NELL1: variants seen among roughly 807,000 people sequenced by gnomAD.
NELL1 encodes neural EGFL like 1.
In NELL1, 76 loss-of-function variants were observed where a neutral mutation model predicts 107.4. The observed-to-expected ratio is 0.71, with a 90% CI of 0.59 to 0.86. The LOEUF (loss-of-function observed/expected upper bound fraction) is 0.86. Ranked by LOEUF, NELL1 falls within the 40% of genes least tolerant of loss-of-function variation. The probability of loss-of-function intolerance (pLI) is 0.00; values close to 1 mark genes in which losing one functional copy is unlikely to be tolerated. For missense variants in NELL1, 1,024 were observed against 1,005.5 expected, an observed-to-expected ratio of 1.02 and a Z score of -0.25; for synonymous variants, 353 against 341.2, an observed-to-expected ratio of 1.03 and a Z score of -0.38.
Position 21,099,226 on chromosome 11 carries a change from CACACACAA to C in NELL1, c.1301-14355_1301-14348del, listed in dbSNP as rs1470491214. On this transcript the variant is annotated intron_variant, in intron 12 of 19. Transcript: ENST00000357134. The stretch of plus-strand genomic sequence containing the variant: ...ACACACACACACACACACACACACA[CACACACAA>C]ACACACACACACACACACGGATCAG... 1.3e-3 allele frequency among the ~76,000 whole-genome samples: 182 copies of C among 140,544 alleles called. 1 individual carries two copies. Among genetic ancestry groups the C allele is most frequent in the African/African-American group, 4.3e-3 (150 of 34,662 alleles). The allele number at this position is 140,544 out of a possible 152,430, so 92.2% of individuals were successfully genotyped here.
Position 21,546,837 on chromosome 11 carries a change from G to A in NELL1, c.1786+12323G>A, listed in dbSNP as rs189603876. The stretch of plus-strand genomic sequence containing the variant: ...TTGTTCTTACCCTGAGATTACTCAA[G>A]CTGCTGTGAAATATTTACCTGTGGG... On this transcript the variant is annotated intron_variant, in intron 16 of 19. Transcript: ENST00000357134. 4.1e-3 allele frequency among the ~76,000 whole-genome samples: 631 copies of A among 152,126 alleles called. 2 individuals are homozygous for A. Among genetic ancestry groups the A allele is most frequent in the Non-Finnish European group, 6.7e-3 (456 of 67,946 alleles).
intron 18 of NELL1, among the ~76,000 whole-genome samples, chr11:21,572,774 A>G (rs775023175): frequency 7.2e-5 from 11 of 151,920 alleles, no homozygotes; most frequent in Non-Finnish European, 1.6e-4. Flanking sequence ...TGCTCTTTAT[A>G]TACTAGACAG....
At chr11:21,415,926 A>G (rs1030527378) in intron 15 of NELL1, among the ~76,000 whole-genome samples, 1 of 151,924 alleles carries the variant, frequency 6.6e-6, no homozygotes, top group African/African-American at 2.4e-5. Context: ...CATGTTCTCC[A>G]TCTTCAAGAG....
At chr11:21,465,163 T>C (rs1231145408) in intron 15 of NELL1, among the ~76,000 whole-genome samples, 3 of 152,094 alleles carry the variant, frequency 2.0e-5, no homozygotes, top group Admixed American at 1.3e-4. Flanking sequence ...GGAGGTGATA[T>C]AGGGGCCATC....
chr11:20,738,458 A>T (rs1236866853), intron 2 of NELL1, among the ~76,000 whole-genome samples: 1 of 152,190 alleles, frequency 6.6e-6, no homozygotes, highest in Non-Finnish European at 1.5e-5. Context: ...ACTTCAGCTT[A>T]GATGCAGGGT....
At chr11:21,182,209 G>A (rs559593572) in intron 13 of NELL1, among the ~76,000 whole-genome samples, 1 of 151,928 alleles carries the variant, frequency 6.6e-6, no homozygotes, top group Non-Finnish European at 1.5e-5. Context: ...CAAGGCAGGT[G>A]GATCACTTGA....
intron 15 of NELL1, among the ~76,000 whole-genome samples, chr11:21,492,704 A>C (rs1478499542): frequency 7.6e-6 from 1 of 131,206 alleles, no homozygotes; most frequent in Non-Finnish European, 1.5e-5. Context: ...ATGAGAACAC[A>C]TGGACATAGG....
At chr11:21,204,694 C>T (rs1488971514) in intron 13 of NELL1, among the ~76,000 whole-genome samples, 1 of 151,860 alleles carries the variant, frequency 6.6e-6, no homozygotes, top group African/African-American at 2.4e-5. Context: ...AAGAGGAGTT[C>T]TTTTTTTCTG....
In NELL1 at chr11:21,389,921, C is replaced by G. The variant is rs375253662; in HGVS notation, c.1645+18973C>G. 1.8e-3 allele frequency among the ~76,000 whole-genome samples: 268 copies of G among 151,596 alleles called. 9 individuals carry two copies. In the South Asian group the frequency reaches 0.053, roughly 30 times the overall value. On this transcript the variant is annotated intron_variant, in intron 15 of 19. Transcript: ENST00000357134. The stretch of plus-strand genomic sequence containing the variant: ...ACCATATGTATGTATTTCTATATAC[C>G]TATATATCTAGGAATAGAATTGCTG...
At chr11:20,754,843 A>G (rs1176434449) in intron 2 of NELL1, among the ~76,000 whole-genome samples, 1 of 152,168 alleles carries the variant, frequency 6.6e-6, no homozygotes, top group Non-Finnish European at 1.5e-5. Context: ...TTCTCTCTGA[A>G]GATTTGTCAT....
intron 14 of NELL1, among the ~76,000 whole-genome samples, chr11:21,278,060 A>G (rs11529675): frequency 0.18 from 26,066 of 141,412 alleles, 2,762 homozygotes; most frequent in South Asian, 0.36. Flanking sequence ...AAAAAAAAAG[A>G]AAGAAAAAGC....
chr11:21,406,275 T>C (rs1186184299), intron 15 of NELL1, among the ~76,000 whole-genome samples: 4 of 152,014 alleles, frequency 2.6e-5, no homozygotes, highest in Admixed American at 6.6e-5. Flanking sequence ...GGGCAGTCAT[T>C]GGGCTTGTTG....
At chr11:21,044,933 T>A (rs1285279982) in intron 12 of NELL1, among the ~76,000 whole-genome samples, 1 of 152,156 alleles carries the variant, frequency 6.6e-6, no homozygotes, top group Non-Finnish European at 1.5e-5. Flanking sequence ...TCTACACAGC[T>A]GGTTGTGTGA....
intron 13 of NELL1, among the ~76,000 whole-genome samples, chr11:21,220,953 T>C (rs1471211119): frequency 6.6e-6 from 1 of 152,150 alleles, no homozygotes; most frequent in African/African-American, 2.4e-5. Context: ...TTCTAGTTCT[T>C]AGGGAAAATA....
chr11:21,224,191 G>A (rs548593297), intron 13 of NELL1, among the ~76,000 whole-genome samples: 2 of 152,106 alleles, frequency 1.3e-5, no homozygotes, highest in Admixed American at 1.3e-4. Flanking sequence ...TCTAAATCTG[G>A]ATGGTCATAT....
intron 15 of NELL1, among the ~76,000 whole-genome samples, chr11:21,496,766 T>A (rs964890430): frequency 6.6e-6 from 1 of 152,196 alleles, no homozygotes; most frequent in Admixed American, 6.5e-5. Context: ...ATTCTCTCCC[T>A]ACTTTCTTGT....
intron 12 of NELL1, among the ~76,000 whole-genome samples, chr11:21,057,126 T>G (rs1007763882): frequency 1.3e-5 from 2 of 151,802 alleles, no homozygotes; most frequent in African/African-American, 4.8e-5. Flanking sequence ...CTTTGTCAAA[T>G]CAATAAGAAA....
At chr11:21,518,881 T>A (rs1206631160) in intron 15 of NELL1, among the ~76,000 whole-genome samples, 4 of 152,206 alleles carry the variant, frequency 2.6e-5, no homozygotes, top group Non-Finnish European at 5.9e-5. Context: ...TTGAATTTAT[T>A]TTGGCTGGAA....
At chr11:20,855,572 G>T (rs1848867313) in intron 4 of NELL1, among the ~76,000 whole-genome samples, 1 of 152,138 alleles carries the variant, frequency 6.6e-6, no homozygotes, top group Non-Finnish European at 1.5e-5. Flanking sequence ...GGTCTATATA[G>T]ATGAATGGAG....
Sources: gnomAD v4.1 joint callset for allele counts (sites outside exome capture counted in the v4.1 genomes callset) on GRCh38, gnomAD v4.1.1 for gene constraint, MANE v1.5 for transcripts, NCBI Gene and HGNC (gene_info 2026-07-23, HGNC 2026-07-21) for gene names.